Variants in OSBP2 observed in about 807,000 individuals in gnomAD.
The protein encoded by OSBP2 is oxysterol binding protein 2.
Under a neutral mutation model 96.0 loss-of-function variants are expected in OSBP2, and 66 were observed. The ratio of observed to expected loss-of-function variants is 0.69; its 90% confidence interval spans 0.56 to 0.84. The LOEUF is 0.84. Among genes scored for constraint, OSBP2 ranks in the 40% least tolerant of loss-of-function variants. OSBP2 has a pLI of 0.00. For synonymous variants in OSBP2, 525 were observed against 520.9 expected (o/e 1.01, Z -0.11); for missense variants, 1,038 against 1,222.7 (o/e 0.85, Z 2.25).
intron 2 of OSBP2, among the ~76,000 whole-genome samples, chr22:30,837,225 G>C (rs2038653102): frequency 6.7e-6 from 1 of 148,664 alleles, no homozygotes; most frequent in Non-Finnish European, 1.5e-5. Flanking sequence ...TCATGCCACT[G>C]TACTCCAACC....
intron 2 of OSBP2, among the ~76,000 whole-genome samples, chr22:30,794,031 T>C (rs181247771): frequency 2.5e-4 from 38 of 152,262 alleles, no homozygotes; most frequent in African/African-American, 9.1e-4. Context: ...ATGGACATCC[T>C]TCTATCTCAT....
chr22:30,867,633 C>T (rs73154695), intron 2 of OSBP2, among the ~76,000 whole-genome samples: 2 of 152,344 alleles, frequency 1.3e-5, no homozygotes, highest in Non-Finnish European at 2.9e-5. Flanking sequence ...ACAACACGGC[C>T]AGTGACTTGA....
chr22:30,898,494 C>CTGAT (rs1355091778), intron 12 of OSBP2, among the ~76,000 whole-genome samples: 3 of 152,140 alleles, frequency 2.0e-5, no homozygotes, highest in East Asian at 3.8e-4. Flanking sequence ...ACAGTTCTGC[C>CTGAT]TGATTGATTG....
intron 2 of OSBP2, among the ~76,000 whole-genome samples, chr22:30,844,037 G>C (rs2038816045): frequency 6.6e-6 from 1 of 152,046 alleles, no homozygotes; most frequent in Admixed American, 6.6e-5. Flanking sequence ...AACATGCCCA[G>C]CTTACTTTTG....
At chr22:30,813,314 C>G (rs1162314351) in intron 2 of OSBP2, among the ~76,000 whole-genome samples, 1 of 150,806 alleles carries the variant, frequency 6.6e-6, no homozygotes. Context: ...GCTGGAATTA[C>G]AGGTGCACAC....
chr22:30,815,324 C>T (rs1271329188), intron 2 of OSBP2, among the ~76,000 whole-genome samples: 1 of 152,122 alleles, frequency 6.6e-6, no homozygotes, highest in African/African-American at 2.4e-5. Flanking sequence ...GGCTCCACTA[C>T]CCTGACTTCC....
chr22:30,902,297 A>T (rs1436892804), intron 12 of OSBP2: 2 of 1,591,464 alleles, frequency 1.3e-6, no homozygotes, highest in Non-Finnish European at 1.7e-6. Context: ...GGATCTCAGC[A>T]TAAGGAGTGT....
At chr22:30,846,712 A>G (rs892219874) in intron 2 of OSBP2, among the ~76,000 whole-genome samples, 3 of 152,162 alleles carry the variant, frequency 2.0e-5, no homozygotes, top group African/African-American at 7.2e-5. Context: ...CTTTGGAGAA[A>G]TGTCTATTCA....
intron 2 of OSBP2, among the ~76,000 whole-genome samples, chr22:30,760,592 G>C (rs2145771711): frequency 6.6e-6 from 1 of 152,268 alleles, no homozygotes; most frequent in East Asian, 1.9e-4. Context: ...AATGCAGGCA[G>C]ATCACTTGAA....
rs758965012 is a variant in OSBP2 at position 30,906,260 on chromosome 22, A to G, written c.2672A>G (p.Glu891Gly). 1.2e-6 allele frequency: 2 copies of G among 1,614,180 alleles called. No homozygotes were observed. The highest frequency in any genetic ancestry group is 4.5e-5 in the East Asian group (2 of 44,886). ...FEKRLDPLTG[E>G]MACVYKGGYW... ...AAGAGGCTGGATCCGCTGACCGGGG[A>G]GATGGCCTGTGTGTACAAGGGCGGC... is the stretch of plus-strand genomic sequence containing the variant. The change falls in exon 14 of 14, where the codon GAG becomes GGG. Residue 891 changes from glutamate (E) to glycine (G), a missense_variant. Physicochemically the swap from Glu to Gly is moderately conservative, Grantham distance 98 (BLOSUM62 -2). Transcript: ENST00000332585.
rs1415409755 is a variant in OSBP2, at chr22:30,881,645, TC to T, written c.1108-5779del. On this transcript the variant is annotated intron_variant, in intron 3 of 13. Coordinates refer to ENST00000332585, the MANE Select transcript of OSBP2 (RefSeq NM_030758.4). The surrounding 1 kb of genome is among the most constrained non-coding windows in gnomAD (Gnocchi z 4.5). ...TCCCTCTGCCGGGCCCCAAGCCTAA[TC>T]CAGCTTATCAAGCACACAGCACACA... 1 of 1,300,974 alleles carries T rather than the reference TC, an allele frequency of 7.7e-7. No homozygotes were observed. The highest frequency in any genetic ancestry group is 1.2e-5 in the South Asian group (1 of 80,954). 80.6% of individuals were successfully genotyped at this position (1,300,974 alleles called of 1,614,324 possible).
chr22:30,852,903 C>G (rs929668155), intron 2 of OSBP2, among the ~76,000 whole-genome samples: 2 of 152,070 alleles, frequency 1.3e-5, no homozygotes, highest in African/African-American at 4.8e-5. Flanking sequence ...AAGTGTCTGG[C>G]TTAATTTCCA....
At chr22:30,774,329 T>C (rs746245055) in intron 2 of OSBP2, among the ~76,000 whole-genome samples, 20 of 152,326 alleles carry the variant, frequency 1.3e-4, no homozygotes, top group Middle Eastern at 6.8e-3. Context: ...ATTGGAGTTG[T>C]TGTCATTTAT....
chr22:30,752,248 G>C (rs1372293906), intron 2 of OSBP2, among the ~76,000 whole-genome samples: 1 of 147,180 alleles, frequency 6.8e-6, no homozygotes, highest in African/African-American at 2.5e-5. Flanking sequence ...CTGAAGGAAG[G>C]AATACTTATT....
At chr22:30,736,875 A>G (rs2089864170) in intron 1 of OSBP2, among the ~76,000 whole-genome samples, 1 of 151,944 alleles carries the variant, frequency 6.6e-6, no homozygotes, top group Non-Finnish European at 1.5e-5. Context: ...TCTTTCCCCC[A>G]TTTATTTAGT....
intron 2 of OSBP2, among the ~76,000 whole-genome samples, chr22:30,864,760 G>T (rs960656777): frequency 1.3e-5 from 2 of 152,156 alleles, no homozygotes; most frequent in Admixed American, 1.3e-4. Context: ...TGGGTGCAGT[G>T]AGCGGGGTGA....
intron 2 of OSBP2, among the ~76,000 whole-genome samples, chr22:30,781,370 C>G (rs79357): frequency 6.6e-6 from 1 of 151,930 alleles, no homozygotes; most frequent in African/African-American, 2.4e-5. Flanking sequence ...CTGCTCCCCC[C>G]ACCTTCCTCT....
chr22:30,868,729 G>A (rs1424295639), intron 2 of OSBP2, among the ~76,000 whole-genome samples: 1 of 152,184 alleles, frequency 6.6e-6, no homozygotes, highest in Admixed American at 6.5e-5. Context: ...AGGGGGACAG[G>A]GTATGCCGTG....
chr22:30,853,081 T>C (rs1602358961), intron 2 of OSBP2, among the ~76,000 whole-genome samples: 1 of 152,202 alleles, frequency 6.6e-6, no homozygotes, highest in Non-Finnish European at 1.5e-5. Flanking sequence ...AGAATGTGTG[T>C]TCTGCCATCG....
Sources: allele counts gnomAD v4.1 joint callset (sites outside exome capture counted in the v4.1 genomes callset), GRCh38; gene constraint gnomAD v4.1.1; non-coding constraint Gnocchi (gnomAD v3.1); transcripts MANE v1.5; gene names NCBI Gene and HGNC (gene_info 2026-07-23, HGNC 2026-07-21).